MCC: variants seen among roughly 807,000 people sequenced by gnomAD.
MCC encodes MCC regulator of Wnt signaling pathway.
Under a neutral mutation model 116.2 loss-of-function variants are expected in MCC, and 90 were observed. That is an observed-to-expected ratio of 0.77 (90% CI 0.65 to 0.92). MCC has a LOEUF of 0.92. Among genes scored for constraint, MCC ranks in the 40% least tolerant of loss-of-function variants. MCC has a pLI of 0.00. For synonymous variants in MCC, 578 were observed against 510.5 expected (o/e 1.13, Z -1.78); for missense variants, 1,516 against 1,312.2 (o/e 1.16, Z -2.40).
At chr5:113,412,202 G>A (rs1462431831) in intron 1 of MCC, among the ~76,000 whole-genome samples, 1 of 152,158 alleles carries the variant, frequency 6.6e-6, no homozygotes, top group African/African-American at 2.4e-5. Flanking sequence ...AAGTCAGGTA[G>A]CGTGATGCCT....
chr5:113,181,063 T>C (rs1761604403), intron 3 of MCC, among the ~76,000 whole-genome samples: 1 of 152,220 alleles, frequency 6.6e-6, no homozygotes, highest in African/African-American at 2.4e-5. Flanking sequence ...TATATTCTTA[T>C]ATTGAGACCA....
intron 6 of MCC, among the ~76,000 whole-genome samples, chr5:113,109,266 G>T (rs79227185): frequency 2.6e-5 from 4 of 152,196 alleles, no homozygotes; most frequent in Non-Finnish European, 4.4e-5. Flanking sequence ...AAGTAGCCCA[G>T]GGGTATACTG....
chr5:113,373,136 G>A (rs774088758), intron 2 of MCC, among the ~76,000 whole-genome samples: 4 of 151,190 alleles, frequency 2.6e-5, no homozygotes, highest in East Asian at 2.0e-4. Flanking sequence ...CCGAGATCGC[G>A]CCACTGCACT....
chr5:113,343,316 A>G (rs1359345239), intron 2 of MCC, among the ~76,000 whole-genome samples: 1 of 152,186 alleles, frequency 6.6e-6, no homozygotes, highest in Non-Finnish European at 1.5e-5. Flanking sequence ...CAAAGCAGGC[A>G]ATTCTGTCAC....
At chr5:113,149,457 T>C (rs2150290202) in intron 4 of MCC, among the ~76,000 whole-genome samples, 1 of 152,248 alleles carries the variant, frequency 6.6e-6, no homozygotes, top group South Asian at 2.1e-4. Flanking sequence ...ATTAACATCC[T>C]ATAGTGGGAA....
chr5:113,188,672 C>T (rs1275139708), intron 3 of MCC, among the ~76,000 whole-genome samples: 2 of 152,142 alleles, frequency 1.3e-5, no homozygotes, highest in Non-Finnish European at 2.9e-5. Flanking sequence ...ATGTAGTATG[C>T]ACACATCACC....
chr5:113,353,410 C>T (rs1238765473), intron 2 of MCC, among the ~76,000 whole-genome samples: 4 of 152,092 alleles, frequency 2.6e-5, no homozygotes, highest in African/African-American at 9.7e-5. Flanking sequence ...GTGTTTATCA[C>T]TGTCATTTTA....
intron 3 of MCC, among the ~76,000 whole-genome samples, chr5:113,272,337 C>T (rs904048032): frequency 1.3e-5 from 2 of 152,134 alleles, no homozygotes; most frequent in Admixed American, 6.6e-5. Flanking sequence ...TTTTCAAATA[C>T]CACTCATCTG....
rs367992012 is a variant in MCC, at chr5:113,168,353, T to G, written c.628-16931A>C. ...ATGTTAAGAGTACTTTCATATCCAT[T>G]CAGACAAGTGCTTTAACATGATTCA... On this transcript the variant is annotated intron_variant, in intron 3 of 18. Transcript: ENST00000408903. 6.6e-5 allele frequency among the ~76,000 whole-genome samples: 10 copies of G among 152,362 alleles called. No individual in the cohort carries two copies. In the East Asian group the frequency reaches 1.9e-3, roughly 29 times the overall value.
chr5:113,150,117 G>C (rs886248810), intron 4 of MCC, among the ~76,000 whole-genome samples: 4 of 151,830 alleles, frequency 2.6e-5, no homozygotes, highest in African/African-American at 9.7e-5. Flanking sequence ...AAACAAAATT[G>C]AACAGGATGG....
Position 113,066,319 on chromosome 5 carries a change from A to G in MCC, c.2029+1761T>C, listed in dbSNP as rs533545640. ...TTCCTTTAATTTATCATTTTTCTTA[A>G]TACGTATATTAATTTAAAAAAATCC... On this transcript the variant is annotated intron_variant, in intron 13 of 18. Transcript: ENST00000408903. 5.3e-5 allele frequency among the ~76,000 whole-genome samples: 8 copies of G among 152,252 alleles called. No individual in the cohort carries two copies. In the East Asian group the frequency reaches 9.7e-4, roughly 18 times the overall value.
intron 3 of MCC, among the ~76,000 whole-genome samples, chr5:113,192,038 T>C (rs1053919541): frequency 6.6e-6 from 1 of 152,206 alleles, no homozygotes; most frequent in Non-Finnish European, 1.5e-5. Flanking sequence ...TTGTCAAATA[T>C]GACCATTTTT....
intron 3 of MCC, among the ~76,000 whole-genome samples, chr5:113,283,007 A>G (rs1329528597): frequency 1.3e-5 from 2 of 152,322 alleles, no homozygotes; most frequent in East Asian, 3.9e-4. Flanking sequence ...CCTGCCTGAC[A>G]TTGCTAGTCA....
Position 113,105,749 on chromosome 5 carries a change from C to T in MCC, c.1028-1394G>A, listed in dbSNP as rs186169310. ...ACTGGACCACTGTAACAATCTCCTGCCTCTACTCTCCACGCGGTCACCAAA... is the reference window on the plus strand; with the variant it reads ...ACTGGACCACTGTAACAATCTCCTGTCTCTACTCTCCACGCGGTCACCAAA... On this transcript the variant is annotated intron_variant, in intron 6 of 18. Transcript: ENST00000408903. Among the ~76,000 whole-genome samples the T allele has an allele frequency of 3.0e-3, 454 of 152,302 alleles. 4 individuals are homozygous for T. The highest frequency in any genetic ancestry group is 0.011 in the African/African-American group (437 of 41,558).
At chr5:113,487,002 G>C (rs1772550919) in intron 1 of MCC, among the ~76,000 whole-genome samples, 1 of 152,028 alleles carries the variant, frequency 6.6e-6, no homozygotes, top group African/African-American at 2.4e-5. Context: ...AAATTTGCAT[G>C]GAGTCAATCA....
intron 1 of MCC, among the ~76,000 whole-genome samples, chr5:113,395,105 A>G (rs1769491381): frequency 6.6e-6 from 1 of 152,224 alleles, no homozygotes; most frequent in Non-Finnish European, 1.5e-5. Flanking sequence ...AGTCTGTAAC[A>G]CCTGGTATAC....
At chr5:113,284,650 T>C (rs1343938700) in intron 3 of MCC, among the ~76,000 whole-genome samples, 1 of 152,196 alleles carries the variant, frequency 6.6e-6, no homozygotes, top group Non-Finnish European at 1.5e-5. Context: ...GTCATGCAAA[T>C]GGTTAGGACA....
At chr5:113,477,319 G>T (rs1311410649) in intron 1 of MCC, among the ~76,000 whole-genome samples, 2 of 152,192 alleles carry the variant, frequency 1.3e-5, no homozygotes, top group Non-Finnish European at 2.9e-5. Context: ...ATAACAAACA[G>T]GGTGCTTCCA....
chr5:113,248,695 G>C (rs1348713498), intron 3 of MCC, among the ~76,000 whole-genome samples: 1 of 152,166 alleles, frequency 6.6e-6, no homozygotes, highest in Non-Finnish European at 1.5e-5. Flanking sequence ...GTCTTGAATA[G>C]CAAAGCTATT....
Sources: allele counts gnomAD v4.1 joint callset (sites outside exome capture counted in the v4.1 genomes callset), GRCh38; gene constraint gnomAD v4.1.1; transcripts MANE v1.5; gene names NCBI Gene and HGNC (gene_info 2026-07-23, HGNC 2026-07-21).